Variants in EPC2 observed in about 807,000 individuals in gnomAD.
EPC2 encodes enhancer of polycomb 2, also known as enhancer of polycomb homolog 2.
Under a neutral mutation model 92.1 loss-of-function variants are expected in EPC2, and 14 were observed. That is an observed-to-expected ratio of 0.15 (90% CI 0.10 to 0.24). EPC2 has a LOEUF of 0.24. Among genes scored for constraint, EPC2 ranks in the 10% least tolerant of loss-of-function variants. The pLI, the probability that EPC2 is intolerant of heterozygous loss-of-function variation, is 1.00. For synonymous variants in EPC2, 340 were observed against 334.7 expected, an observed-to-expected ratio of 1.02 and a Z score of -0.17; for missense variants, 755 against 971.5, an observed-to-expected ratio of 0.78 and a Z score of 2.96.
chr2:148,745,858 T>C (rs1682976198), intron 3 of EPC2, among the ~76,000 whole-genome samples: 2 of 152,104 alleles, frequency 1.3e-5, no homozygotes, highest in South Asian at 4.1e-4. Flanking sequence ...CGACAAAAGA[T>C]AGACTTAGGC....
At chr2:148,695,541 G>A (rs189327438) in intron 2 of EPC2, among the ~76,000 whole-genome samples, 1 of 152,342 alleles carries the variant, frequency 6.6e-6, no homozygotes, top group Admixed American at 6.5e-5. Flanking sequence ...GGTTAAAATA[G>A]ATGCTGGCCT....
At chr2:148,672,241 T>C (rs1360109335) in intron 1 of EPC2, among the ~76,000 whole-genome samples, 1 of 152,212 alleles carries the variant, frequency 6.6e-6, no homozygotes, top group African/African-American at 2.4e-5. Context: ...TAAAGTCTCT[T>C]TTGTCTGATA....
rs1683470031 is a variant in EPC2 at position 148,769,177 on chromosome 2, A to T, written c.1167A>T (p.Glu389Asp). The T allele has an allele frequency of 6.2e-7, 1 of 1,612,734 alleles. No individual in the cohort carries two copies. Among genetic ancestry groups the T allele is most frequent in the African/African-American group, 1.3e-5 (1 of 74,920 alleles). ...TATTGTCCCCAGTATCAGAACCGGA[A>T]GAAGAAAATGATCCTGATGGTCCCT... ...PQVLSPVSEPEEENDPDGPCA... is the reference protein window; with the variant it reads ...PQVLSPVSEPDEENDPDGPCA... The change falls in exon 8 of 14, where the codon GAA becomes GAT. Residue 389 changes from glutamate (E) to aspartate (D), a missense_variant. By Grantham distance (45) the Glu-to-Asp change is conservative. Around this residue, in one of 4 missense-constraint regions of EPC2, gnomAD observed 509 missense variants for 607.7 expected, o/e 0.84. Transcript: ENST00000258484.
chr2:148,721,731 C>A (rs1574604414), intron 2 of EPC2, among the ~76,000 whole-genome samples: 1 of 69,118 alleles, frequency 1.4e-5, no homozygotes, highest in African/African-American at 6.3e-5. Context: ...TTTTTTTTTG[C>A]CTTGCTTTTC....
At chr2:148,695,665 A>T (rs1031213265) in intron 2 of EPC2, among the ~76,000 whole-genome samples, 3 of 152,240 alleles carry the variant, frequency 2.0e-5, no homozygotes, top group African/African-American at 7.2e-5. Flanking sequence ...GATTGGAAAG[A>T]GTTGGGGAGG....
At chr2:148,645,725 G>A (rs1187254771) in intron 1 of EPC2, among the ~76,000 whole-genome samples, 1 of 152,180 alleles carries the variant, frequency 6.6e-6, no homozygotes, top group Non-Finnish European at 1.5e-5. Flanking sequence ...CGGCGGGGGA[G>A]GGCGGGGGCC....
At chr2:148,704,924 A>G (rs1681962645) in intron 2 of EPC2, among the ~76,000 whole-genome samples, 1 of 145,658 alleles carries the variant, frequency 6.9e-6, no homozygotes. Flanking sequence ...TTTTTTTCTA[A>G]TTTTGTTTGA....
At chr2:148,676,603 T>C (rs79702041) in intron 1 of EPC2, among the ~76,000 whole-genome samples, 2,667 of 152,184 alleles carry the variant, frequency 0.018, 73 homozygotes, top group African/African-American at 0.06. Flanking sequence ...TATATATGTA[T>C]TTATATTTGC....
chr2:148,655,148 C>T (rs1042981225), intron 1 of EPC2, among the ~76,000 whole-genome samples: 1 of 152,184 alleles, frequency 6.6e-6, no homozygotes. Context: ...TTGTATGAGA[C>T]GGTCACTGGC....
intron 2 of EPC2, among the ~76,000 whole-genome samples, chr2:148,727,848 G>T (rs1234583560): frequency 6.6e-6 from 1 of 152,122 alleles, no homozygotes; most frequent in Non-Finnish European, 1.5e-5. Flanking sequence ...GCATTCAAAT[G>T]ATTTCAAAAG....
At chr2:148,649,712 T>C (rs2105348884) in intron 1 of EPC2, among the ~76,000 whole-genome samples, 1 of 152,320 alleles carries the variant, frequency 6.6e-6, no homozygotes, top group African/African-American at 2.4e-5. Context: ...ACCCTTGACA[T>C]TGGTGTCACA....
chr2:148,653,767 C>G (rs1177700924), intron 1 of EPC2, among the ~76,000 whole-genome samples: 1 of 148,914 alleles, frequency 6.7e-6, no homozygotes. Context: ...CAACAAGCAG[C>G]ATTCAGTTTT....
intron 7 of EPC2, among the ~76,000 whole-genome samples, chr2:148,767,021 C>A (rs913258501): frequency 1.3e-5 from 2 of 151,536 alleles, no homozygotes; most frequent in African/African-American, 4.8e-5. Flanking sequence ...CCATCTTTAC[C>A]GAAAAAACAG....
At chr2:148,681,698 G>T (rs538342673) in intron 1 of EPC2, among the ~76,000 whole-genome samples, 89 of 148,012 alleles carry the variant, frequency 6.0e-4, no homozygotes, top group African/African-American at 2.2e-3. Flanking sequence ...GACTGGTTAG[G>T]TTTGTTTGTT....
At chr2:148,691,916 G>A (rs1261920044) in intron 2 of EPC2, 1 of 468,602 alleles carries the variant, frequency 2.1e-6, no homozygotes, top group Admixed American at 3.2e-5. Context: ...TAACACACAA[G>A]CATAAAGCTT....
chr2:148,757,015 A>T (rs1230528249), intron 4 of EPC2, among the ~76,000 whole-genome samples: 1 of 152,224 alleles, frequency 6.6e-6, no homozygotes. Flanking sequence ...AGTGGATTTG[A>T]ATACAGGGAA....
In EPC2 at chr2:148,678,277, C is replaced by T. The variant is rs113129423; in HGVS notation, c.154-11937C>T. 6.9e-4 allele frequency among the ~76,000 whole-genome samples: 105 copies of T among 152,328 alleles called. 1 individual carries two copies. Among genetic ancestry groups the T allele is most frequent in the African/African-American group, 2.4e-3 (98 of 41,568 alleles). On this transcript the variant is annotated intron_variant, in intron 1 of 13. Transcript: ENST00000258484. ...AGTGCCGATTGGTGTATTTACAATC[C>T]CTGAGCTAGACACAAAGGTTCTCCA...
Position 148,644,869 on chromosome 2 carries a change from A to C in EPC2, c.-149A>C. On this transcript the variant is annotated 5_prime_UTR_variant, in exon 1 of 14. The change abolishes an upstream ATG in the 5' untranslated region. Coordinates refer to ENST00000258484, the MANE Select transcript of EPC2 (RefSeq NM_015630.4). ...CTGTTTTCGGGCGGGGTGGGCGCCCATGCTGTGGCCGGGGGCAGTGAGGAG... is the reference window on the plus strand; with the variant it reads ...CTGTTTTCGGGCGGGGTGGGCGCCCCTGCTGTGGCCGGGGGCAGTGAGGAG... The C allele has an allele frequency of 7.4e-5, 46 of 621,300 alleles. No homozygotes were observed. Among genetic ancestry groups the C allele is most frequent in the Middle Eastern group, 4.6e-4 (1 of 2,188 alleles). The allele number at this position is 621,300 out of a possible 1,614,324, so 38.5% of individuals were successfully genotyped here. A position where few individuals can be genotyped will look rare whatever the true frequency, so the allele number is the denominator to read the frequency against.
intron 4 of EPC2, among the ~76,000 whole-genome samples, chr2:148,754,813 A>G (rs1248755530): frequency 6.6e-6 from 1 of 152,194 alleles, no homozygotes; most frequent in Non-Finnish European, 1.5e-5. Flanking sequence ...AATTTTAAGT[A>G]AGAGAAACAG....
Sources: gnomAD v4.1 joint callset for allele counts (sites outside exome capture counted in the v4.1 genomes callset) on GRCh38, gnomAD v4.1.1 for gene constraint, gnomAD v4.1.1 regional missense constraint, MANE v1.5 for transcripts, NCBI Gene and HGNC (gene_info 2026-07-23, HGNC 2026-07-21) for gene names.